Variants in LAPTM4B observed in about 807,000 individuals in gnomAD.
LAPTM4B encodes lysosomal protein transmembrane 4 beta.
In LAPTM4B, 26 loss-of-function variants were observed where a neutral mutation model predicts 28.5. That is an observed-to-expected ratio of 0.91 (90% CI 0.67 to 1.27). The LOEUF (loss-of-function observed/expected upper bound fraction) is 1.27, where lower values mean the gene tolerates loss of function less well. LAPTM4B is among the 50% of genes most tolerant of loss of function. The pLI is 0.00. For missense variants in LAPTM4B, 288 were observed against 285.8 expected (o/e 1.01, Z -0.06); for synonymous variants, 109 against 106.4 (o/e 1.02, Z -0.15).
intron 6 of LAPTM4B, among the ~76,000 whole-genome samples, chr8:97,832,173 C>T (rs1334712274): frequency 6.6e-6 from 1 of 152,106 alleles, no homozygotes; most frequent in African/African-American, 2.4e-5. Flanking sequence ...CTATTTTTCC[C>T]CTTTGAAAGA....
At chr8:97,827,662 G>A (rs1817111453) in intron 6 of LAPTM4B, among the ~76,000 whole-genome samples, 1 of 152,176 alleles carries the variant, frequency 6.6e-6, no homozygotes, top group South Asian at 2.1e-4. Context: ...TTTCCAGGTA[G>A]ATAGTATTAT....
chr8:97,830,196 G>A (rs111260726), intron 6 of LAPTM4B, among the ~76,000 whole-genome samples: 9 of 152,282 alleles, frequency 5.9e-5, no homozygotes, highest in Non-Finnish European at 1.3e-4. Context: ...ACGGTGAGGA[G>A]AGAGTGGGTG....
At chr8:97,827,276 G>C (rs9987270) in intron 6 of LAPTM4B, among the ~76,000 whole-genome samples, 20,887 of 152,116 alleles carry the variant, frequency 0.14, 3,140 homozygotes, top group African/African-American at 0.37. Flanking sequence ...CTTTCTAACT[G>C]TGGGTCTTAA....
chr8:97,799,289 T>C (rs978697011), intron 1 of LAPTM4B, among the ~76,000 whole-genome samples: 2 of 152,184 alleles, frequency 1.3e-5, no homozygotes, highest in African/African-American at 4.8e-5. Context: ...AGTTTTAAGA[T>C]CTTAATTGGC....
Position 97,851,725 on chromosome 8 carries a change from G to A in LAPTM4B, c.*251G>A. The stretch of plus-strand genomic sequence containing the variant: ...AATGGGCTTCACTAACCTTCCCTAG[G>A]CATTGAAACTTCCCCCAAATCTGAT... On this transcript the variant is annotated 3_prime_UTR_variant, in exon 7 of 7. Coordinates refer to ENST00000521545, the MANE Select transcript of LAPTM4B (RefSeq NM_018407.6). 1 of 496,640 alleles carries A rather than the reference G, an allele frequency of 2.0e-6. No homozygotes were observed. 30.8% of individuals were successfully genotyped at this position (496,640 alleles called of 1,614,324 possible). A position where few individuals can be genotyped will look rare whatever the true frequency, so the allele number is the denominator to read the frequency against.
chr8:97,824,308 G>A, intron 5 of LAPTM4B, among the ~76,000 whole-genome samples: 1 of 152,192 alleles, frequency 6.6e-6, no homozygotes, highest in East Asian at 1.9e-4. Flanking sequence ...CATAAGCAAC[G>A]TATTTCCTGG....
Position 97,851,703 on chromosome 8 carries a change from G to C in LAPTM4B, c.*229G>C, listed in dbSNP as rs373097717. The stretch of plus-strand genomic sequence containing the variant: ...CTTCCTGTACGATTGGGGATATAAT[G>C]GGCTTCACTAACCTTCCCTAGGCAT... On this transcript the variant is annotated 3_prime_UTR_variant, in exon 7 of 7. Transcript: ENST00000521545. 8.4e-5 allele frequency: 46 copies of C among 550,462 alleles called. No individual in the cohort carries two copies. The East Asian group carries it at 1.1e-3, about 13-fold the overall frequency. The allele number at this position is 550,462 out of a possible 1,614,324, so 34.1% of individuals were successfully genotyped here.
chr8:97,849,060 C>T (rs530131789), intron 6 of LAPTM4B, among the ~76,000 whole-genome samples: 2 of 152,178 alleles, frequency 1.3e-5, no homozygotes, highest in Non-Finnish European at 2.9e-5. Context: ...ATCTTTCCAA[C>T]TTCATCTCTG....
At chr8:97,777,142 T>TTTTTTTG (rs1816232589) in intron 1 of LAPTM4B, among the ~76,000 whole-genome samples, 4 of 127,036 alleles carry the variant, frequency 3.1e-5, no homozygotes, top group African/African-American at 1.2e-4. Context: ...GTGAGGTTTT[T>TTTTTTTG]TTTTTTTTTT....
chr8:97,840,653 T>C (rs1359591927), intron 6 of LAPTM4B, among the ~76,000 whole-genome samples: 1 of 152,236 alleles, frequency 6.6e-6, no homozygotes, highest in East Asian at 1.9e-4. Flanking sequence ...TTATTATTAT[T>C]TTTTAAAATT....
At chr8:97,850,932 A>G (rs1013242749) in intron 6 of LAPTM4B, among the ~76,000 whole-genome samples, 4 of 151,348 alleles carry the variant, frequency 2.6e-5, no homozygotes, top group Non-Finnish European at 5.9e-5. Flanking sequence ...ACTGATGTTA[A>G]GGAACTTACC....
chr8:97,801,647 G>C (rs1206971054), intron 1 of LAPTM4B, among the ~76,000 whole-genome samples: 2 of 152,086 alleles, frequency 1.3e-5, no homozygotes, highest in Non-Finnish European at 2.9e-5. Flanking sequence ...CTTGAGACCA[G>C]CCTGGCTAAT....
rs141064720 is a variant in LAPTM4B at position 97,812,871 on chromosome 8, G to A, written c.212-2457G>A. ...CACTGCCTGTGGCAGAGAACAGGGC[G>A]TTGAAGAATGGATTTGGAACAGCAC... On this transcript the variant is annotated intron_variant, in intron 2 of 6. Transcript: ENST00000521545. Among the ~76,000 whole-genome samples the A allele has an allele frequency of 1.3e-3, 194 of 152,294 alleles. 4 individuals carry two copies. The South Asian group carries it at 0.022, about 17-fold the overall frequency.
At chr8:97,824,762 T>G (rs1817067933) in intron 5 of LAPTM4B, among the ~76,000 whole-genome samples, 1 of 152,188 alleles carries the variant, frequency 6.6e-6, no homozygotes. Context: ...TTCCAGACAC[T>G]TATTCTTAGA....
At chr8:97,788,915 C>T (rs1016008602) in intron 1 of LAPTM4B, among the ~76,000 whole-genome samples, 2 of 151,022 alleles carry the variant, frequency 1.3e-5, no homozygotes, top group Non-Finnish European at 3.0e-5. Context: ...AGGTTGGTCT[C>T]GAACTCCTGA....
chr8:97,800,045 C>T (rs533136542), intron 1 of LAPTM4B, among the ~76,000 whole-genome samples: 1 of 152,306 alleles, frequency 6.6e-6, no homozygotes, highest in South Asian at 2.1e-4. Context: ...ATGATTCTTT[C>T]TCGGAGCTCT....
intron 2 of LAPTM4B, among the ~76,000 whole-genome samples, chr8:97,812,910 G>A (rs1327288884): frequency 1.3e-5 from 2 of 152,194 alleles, no homozygotes; most frequent in Non-Finnish European, 2.9e-5. Flanking sequence ...AAGCCAGCTG[G>A]TAGAGCCACT....
At chr8:97,780,063 A>G (rs1478430205) in intron 1 of LAPTM4B, among the ~76,000 whole-genome samples, 1 of 150,730 alleles carries the variant, frequency 6.6e-6, no homozygotes, top group Non-Finnish European at 1.5e-5. Flanking sequence ...AAAAAAAAAA[A>G]AAAAAGAAAA....
chr8:97,814,401 G>A (rs529525366), intron 2 of LAPTM4B, among the ~76,000 whole-genome samples: 1 of 152,200 alleles, frequency 6.6e-6, no homozygotes, highest in South Asian at 2.1e-4. Context: ...AGGTACCTAG[G>A]GGGTGAGGTG....
Sources: allele counts gnomAD v4.1 joint callset (sites outside exome capture counted in the v4.1 genomes callset), GRCh38; gene constraint gnomAD v4.1.1; transcripts MANE v1.5; gene names NCBI Gene and HGNC (gene_info 2026-07-23, HGNC 2026-07-21).